Variants in FARP1 observed in about 807,000 individuals in gnomAD.
FARP1 encodes the protein FERM, ARH/RhoGEF and pleckstrin domain protein 1.
In FARP1, 52 loss-of-function variants were observed where a neutral mutation model predicts 128.8. The ratio of observed to expected loss-of-function variants is 0.40; its 90% CI spans 0.32 to 0.51. FARP1 has a LOEUF of 0.51. FARP1 is among the 20% of genes least tolerant of loss of function. The pLI is 0.45. For synonymous variants in FARP1, 580 were observed against 551.8 expected (o/e 1.05, Z -0.72); for missense variants, 1,333 against 1,367.9 (o/e 0.97, Z 0.40).
chr13:98,335,114 A>G (rs74784259), intron 2 of FARP1, among the ~76,000 whole-genome samples: 22 of 152,332 alleles, frequency 1.4e-4, no homozygotes, highest in African/African-American at 5.1e-4. Flanking sequence ...CATTTGCTCT[A>G]TTCTCTGACT....
chr13:98,437,932 C>T (rs1892350788), intron 19 of FARP1: 1 of 1,145,256 alleles, frequency 8.7e-7, no homozygotes, highest in East Asian at 2.3e-5. Context: ...CAGGCCGCCA[C>T]ACATCCACTC....
chr13:98,314,198 A>G (rs1456291774), intron 2 of FARP1, among the ~76,000 whole-genome samples: 2 of 152,046 alleles, frequency 1.3e-5, no homozygotes, highest in Non-Finnish European at 2.9e-5. Flanking sequence ...AGAAAGTGAA[A>G]GTAGCAAACA....
chr13:98,209,822 A>G (rs1423593038), intron 1 of FARP1, among the ~76,000 whole-genome samples: 3 of 136,722 alleles, frequency 2.2e-5, no homozygotes, highest in Non-Finnish European at 4.7e-5. Context: ...AAAAAAAAAA[A>G]AAAAAAAGAA....
Position 98,245,349 on chromosome 13 carries a change from G to A in FARP1, c.171+31936G>A, listed in dbSNP as rs148446233. On this transcript the variant is annotated intron_variant, in intron 2 of 26. Transcript: ENST00000319562. ...CTTATTGATAAGCACTTTGTGGGAT[G>A]TTTATGTGAGAACAGTTGATTTTAA... The A allele has an allele frequency of 8.6e-4, 848 of 985,428 alleles. 7 individuals carry two copies. In the African/African-American group the frequency reaches 0.011, roughly 13 times the overall value. 61.0% of individuals were successfully genotyped at this position (985,428 alleles called of 1,614,324 possible). A position where few individuals can be genotyped will look rare whatever the true frequency, so the allele number is the denominator to read the frequency against.
intron 1 of FARP1, among the ~76,000 whole-genome samples, chr13:98,210,424 A>G (rs1455309397): frequency 6.6e-6 from 1 of 152,032 alleles, no homozygotes; most frequent in Admixed American, 6.6e-5. Flanking sequence ...AGGACAACCC[A>G]CAGGATGTCC....
At chr13:98,332,500 A>G (rs528385594) in intron 2 of FARP1, 2 of 152,290 alleles carry the variant, frequency 1.3e-5, no homozygotes, top group African/African-American at 4.8e-5. Context: ...AGTACATTTT[A>G]AAAAAAGAAT....
Position 98,314,529 on chromosome 13 carries a change from C to T in FARP1, c.172-29233C>T, listed in dbSNP as rs112159897. Among the ~76,000 whole-genome samples, 574 of 152,188 alleles carry T rather than the reference C, an allele frequency of 3.8e-3. 5 individuals carry two copies. Among genetic ancestry groups the T allele is most frequent in the African/African-American group, 0.013 (531 of 41,516 alleles). ...TCTTGACCTCATGATCTGCCCGCCT[C>T]GGCCTCCCAAAGTGCTGGGATTACA... On this transcript the variant is annotated intron_variant, in intron 2 of 26. Transcript: ENST00000319562.
At chr13:98,415,931 C>T (rs998293744) in intron 16 of FARP1, among the ~76,000 whole-genome samples, 1 of 152,268 alleles carries the variant, frequency 6.6e-6, no homozygotes, top group African/African-American at 2.4e-5. Flanking sequence ...CGCATTTCCT[C>T]CTGGGTGAAA....
chr13:98,373,113 C>T (rs1240791933), intron 5 of FARP1, among the ~76,000 whole-genome samples: 1 of 152,160 alleles, frequency 6.6e-6, no homozygotes, highest in Non-Finnish European at 1.5e-5. Context: ...GTTCTTCCTT[C>T]AGCCTTCAAA....
chr13:98,386,742 T>C (rs754710956), intron 8 of FARP1, among the ~76,000 whole-genome samples: 2 of 151,970 alleles, frequency 1.3e-5, no homozygotes, highest in Admixed American at 6.6e-5. Flanking sequence ...GTTGTAAATA[T>C]GTTCAGGACC....
intron 17 of FARP1, among the ~76,000 whole-genome samples, chr13:98,428,695 C>T (rs1295200923): frequency 6.6e-6 from 1 of 152,228 alleles, no homozygotes; most frequent in Non-Finnish European, 1.5e-5. Context: ...CGGCCACCGT[C>T]AACTCATGTG....
chr13:98,260,077 G>T (rs9584783), intron 2 of FARP1, among the ~76,000 whole-genome samples: 6,960 of 152,046 alleles, frequency 0.046, 238 homozygotes, highest in African/African-American at 0.092. Context: ...CTGCTAGGTG[G>T]GCGGCCCATT....
chr13:98,247,307 G>A (rs1274312383), intron 2 of FARP1, among the ~76,000 whole-genome samples: 1 of 152,154 alleles, frequency 6.6e-6, no homozygotes, highest in Admixed American at 6.5e-5. Context: ...ATAGTGTCAC[G>A]CCCAGGGTGT....
intron 3 of FARP1, among the ~76,000 whole-genome samples, chr13:98,349,671 G>GA (rs1888324222): frequency 3.6e-5 from 3 of 83,130 alleles, no homozygotes; most frequent in Non-Finnish European, 6.9e-5. Flanking sequence ...CCCATCTCAG[G>GA]GAAAAAAAAA....
chr13:98,337,501 T>C (rs1338543409), intron 2 of FARP1, among the ~76,000 whole-genome samples: 8 of 151,610 alleles, frequency 5.3e-5, no homozygotes, highest in Non-Finnish European at 1.2e-4. Flanking sequence ...CCTAGATAAG[T>C]GGGTTTTGCT....
intron 2 of FARP1, among the ~76,000 whole-genome samples, chr13:98,318,055 C>A (rs1359074194): frequency 6.8e-6 from 1 of 148,086 alleles, no homozygotes; most frequent in South Asian, 2.2e-4. Context: ...CTCCTTCCTT[C>A]CTTCTCCTCC....
chr13:98,404,765 G>A (rs749612541), intron 13 of FARP1: 1 of 152,114 alleles, frequency 6.6e-6, no homozygotes, highest in African/African-American at 2.4e-5. Flanking sequence ...TGAAGAAAAA[G>A]CATAGAAACT....
chr13:98,361,957 C>A lies in FARP1; in HGVS notation c.277-3438C>A, dbSNP rs140522422. 3.2e-4 allele frequency among the ~76,000 whole-genome samples: 49 copies of A among 152,262 alleles called. 2 individuals carry two copies. In the East Asian group the frequency reaches 7.5e-3, roughly 23 times the overall value. On this transcript the variant is annotated intron_variant, in intron 3 of 26. Transcript: ENST00000319562. ...CTCCCTTTCTTAAATACATGCAGGTCATTCCAGTTAAAAACAAGTAAACGG... is the reference window on the plus strand; with the variant it reads ...CTCCCTTTCTTAAATACATGCAGGTAATTCCAGTTAAAAACAAGTAAACGG...
intron 1 of FARP1, among the ~76,000 whole-genome samples, chr13:98,166,100 A>G (rs1284190362): frequency 6.6e-6 from 1 of 152,154 alleles, no homozygotes; most frequent in Non-Finnish European, 1.5e-5. Context: ...TCTTCAGTTT[A>G]ATACACTCCG....
Sources: gnomAD v4.1 joint callset for allele counts (sites outside exome capture counted in the v4.1 genomes callset) on GRCh38, gnomAD v4.1.1 for gene constraint, MANE v1.5 for transcripts, NCBI Gene and HGNC (gene_info 2026-07-23, HGNC 2026-07-21) for gene names.